Variants in SAMD5 observed in about 807,000 individuals in gnomAD.
The protein encoded by SAMD5 is sterile alpha motif domain containing 5, also known as sterile alpha motif domain-containing protein 5.
In SAMD5, 13 loss-of-function variants were observed where a neutral mutation model predicts 11.3. The observed-to-expected ratio is 1.15, with a 90% CI of 0.75 to 1.83. The LOEUF is 1.83. SAMD5 is among the 40% of genes most tolerant of loss of function. The pLI is 0.00. For synonymous variants in SAMD5, 129 were observed against 111.3 expected, an observed-to-expected ratio of 1.16 and a Z score of -1.00; for missense variants, 255 against 239.1, an observed-to-expected ratio of 1.07 and a Z score of -0.44.
the SAMD5 span, among the ~76,000 whole-genome samples, chr6:147,845,707 CA>C: frequency 1.3e-5 from 2 of 149,200 alleles, no homozygotes; most frequent in African/African-American, 4.9e-5. Context: ...ATCAAAATGC[CA>C]AAAAAAAATA....
At chr6:147,891,653 G>A in the SAMD5 span, among the ~76,000 whole-genome samples, 1 of 152,016 alleles carries the variant, frequency 6.6e-6, no homozygotes, top group Admixed American at 6.6e-5. Context: ...ATAAAAAATC[G>A]AATGTAAGAA....
At chr6:147,852,755 T>C in the SAMD5 span, among the ~76,000 whole-genome samples, 1 of 152,132 alleles carries the variant, frequency 6.6e-6, no homozygotes, top group African/African-American at 2.4e-5. Flanking sequence ...ATTTCTTAAA[T>C]TAAAAAATAC....
chr6:147,524,413 G>A (rs1056841904), intron 1 of SAMD5, among the ~76,000 whole-genome samples: 1 of 147,860 alleles, frequency 6.8e-6, no homozygotes, highest in African/African-American at 2.5e-5. Context: ...TTTTGTTTTT[G>A]TTTTTGTTGT....
At chr6:147,668,730 G>C in intron 1 of SAMD5, among the ~76,000 whole-genome samples, 1 of 152,138 alleles carries the variant, frequency 6.6e-6, no homozygotes, top group South Asian at 2.1e-4. Flanking sequence ...TGTAATCCCA[G>C]CTACTTGGGA....
Position 147,567,162 on chromosome 6 carries a change from A to G in SAMD5, c.*2706A>G. 1 of 985,242 alleles carries G rather than the reference A, an allele frequency of 1.0e-6. No individual in the cohort carries two copies. Among genetic ancestry groups the G allele is most frequent in the Non-Finnish European group, 1.2e-6 (1 of 829,768 alleles). 61.0% of individuals were successfully genotyped at this position (985,242 alleles called of 1,614,324 possible). ...GGTAAAAAAAGATTTTATTCACATA[A>G]AAGATTTCTTGGCATAGGGAAGGCG... On this transcript the variant is annotated 3_prime_UTR_variant, in exon 2 of 2. Coordinates refer to ENST00000367474, the MANE Select transcript of SAMD5 (RefSeq NM_001030060.3).
chr6:147,798,914 T>C, the SAMD5 span, among the ~76,000 whole-genome samples: 1 of 152,158 alleles, frequency 6.6e-6, no homozygotes, highest in African/African-American at 2.4e-5. Context: ...TGTTTTCCAT[T>C]TGCTTGGTAG....
intron 1 of SAMD5, among the ~76,000 whole-genome samples, chr6:147,606,419 GC>G (rs1196299356): frequency 2.0e-5 from 3 of 151,622 alleles, no homozygotes; most frequent in Non-Finnish European, 4.4e-5. Context: ...AAAAAAAAAA[GC>G]CATGGGTGAG....
At chr6:147,575,018 T>C (rs561331022), downstream of SAMD5, among the ~76,000 whole-genome samples, 7 of 152,366 alleles carry the variant, frequency 4.6e-5, no homozygotes, top group African/African-American at 1.7e-4. Flanking sequence ...CAATATGTTT[T>C]CCATTTAGAT....
chr6:147,853,200 C>G, the SAMD5 span, among the ~76,000 whole-genome samples: 1 of 152,248 alleles, frequency 6.6e-6, no homozygotes, highest in Non-Finnish European at 1.5e-5. Context: ...CCATACATTT[C>G]TCTCATGGCC....
At chr6:147,643,323 A>G (rs1052587237) in intron 1 of SAMD5, among the ~76,000 whole-genome samples, 2 of 152,098 alleles carry the variant, frequency 1.3e-5, no homozygotes, top group Non-Finnish European at 2.9e-5. Context: ...TGTGCCTTCC[A>G]CAGTTCTTTC....
chr6:147,589,519 C>T (rs939858794), intron 1 of SAMD5, among the ~76,000 whole-genome samples: 1 of 152,074 alleles, frequency 6.6e-6, no homozygotes, highest in African/African-American at 2.4e-5. Context: ...CATTTTCTGT[C>T]TTTGTGATCC....
the SAMD5 span, among the ~76,000 whole-genome samples, chr6:147,818,015 G>A: frequency 6.6e-6 from 1 of 152,198 alleles, no homozygotes; most frequent in Non-Finnish European, 1.5e-5. Context: ...TTAGTTAAAA[G>A]GGTAGCTTAC....
At position 147,564,923 on chromosome 6, in the gene SAMD5, A is replaced by T; in HGVS notation, c.*467A>T. On this transcript the variant is annotated 3_prime_UTR_variant, in exon 2 of 2. Coordinates refer to ENST00000367474, the MANE Select transcript of SAMD5 (RefSeq NM_001030060.3). ...ATTTTTATATTCAAGCATACATTCT[A>T]CTTCATTTCATATAGGACCATGTTT... 4 of 828,064 alleles carry T rather than the reference A, an allele frequency of 4.8e-6. No individual in the cohort carries two copies. The highest frequency in any genetic ancestry group is 5.8e-6 in the Non-Finnish European group (4 of 687,456). The allele number at this position is 828,064 out of a possible 1,614,324, so 51.3% of individuals were successfully genotyped here. A position where few individuals can be genotyped will look rare whatever the true frequency, so the allele number is the denominator to read the frequency against.
At chr6:147,937,897 C>T in the SAMD5 span, among the ~76,000 whole-genome samples, 2 of 152,226 alleles carry the variant, frequency 1.3e-5, no homozygotes, top group South Asian at 2.1e-4. Flanking sequence ...TATATATACA[C>T]AAACATACAC....
chr6:147,649,620 C>T (rs988420073), intron 1 of SAMD5, among the ~76,000 whole-genome samples: 8 of 152,052 alleles, frequency 5.3e-5, no homozygotes, highest in Non-Finnish European at 1.0e-4. Flanking sequence ...GACAAAACTC[C>T]GTTTCTACAA....
At chr6:147,951,588 T>G in the SAMD5 span, among the ~76,000 whole-genome samples, 2,109 of 152,302 alleles carry the variant, frequency 0.014, 29 homozygotes, top group Non-Finnish European at 0.021. Flanking sequence ...CCGCACTGCG[T>G]GTCCTTCAAG....
intron 1 of SAMD5, among the ~76,000 whole-genome samples, chr6:147,537,164 A>G (rs1372027919): frequency 6.6e-6 from 1 of 152,210 alleles, no homozygotes; most frequent in East Asian, 1.9e-4. Context: ...ATTTTGGAAT[A>G]TATACCAATA....
chr6:147,513,891 G>A (rs1465418170), intron 1 of SAMD5, among the ~76,000 whole-genome samples: 2 of 152,246 alleles, frequency 1.3e-5, no homozygotes, highest in East Asian at 1.9e-4. Flanking sequence ...CCATGCCGTC[G>A]AGGACCTTTG....
At chr6:147,809,342 G>A in the SAMD5 span, among the ~76,000 whole-genome samples, 1 of 152,114 alleles carries the variant, frequency 6.6e-6, no homozygotes, top group Non-Finnish European at 1.5e-5. Context: ...TGGGCATGGT[G>A]ACTCCACCTC....
Sources: allele counts gnomAD v4.1 joint callset (sites outside exome capture counted in the v4.1 genomes callset), GRCh38; gene constraint gnomAD v4.1.1; transcripts MANE v1.5; gene names NCBI Gene and HGNC (gene_info 2026-07-23, HGNC 2026-07-21).